The following CSTF1 variants were observed in gnomAD, a reference collection of about 807,000 sequenced individuals.
CSTF1 encodes CF-1 50 kDa subunit.
CSTF1 carries 2 observed loss-of-function variants against 40.9 expected under a neutral mutation model. The ratio of observed to expected loss-of-function variants is 0.05; its 90% CI spans 0.02 to 0.15. CSTF1 has a LOEUF of 0.15. CSTF1 is among the 10% of genes least tolerant of loss of function. The pLI, the probability that CSTF1 is intolerant of heterozygous loss-of-function variation, is 1.00. For missense variants in CSTF1, 279 were observed against 558.9 expected (o/e 0.50, Z 5.05); for synonymous variants, 218 against 207.2 (o/e 1.05, Z -0.45).
At chr20:56,393,824 G>A (rs902671606) in intron 1 of CSTF1, among the ~76,000 whole-genome samples, 4 of 152,140 alleles carry the variant, frequency 2.6e-5, no homozygotes, top group African/African-American at 9.7e-5. Context: ...CGTGACAATT[G>A]AGGTATTTTT....
At chr20:56,396,439 CATAATT>C (rs1457334872) in intron 2 of CSTF1, among the ~76,000 whole-genome samples, 9 of 152,256 alleles carry the variant, frequency 5.9e-5, no homozygotes, top group Admixed American at 6.5e-5. Flanking sequence ...AATACTATAA[CATAATT>C]ATATAGATGA....
intron 2 of CSTF1, among the ~76,000 whole-genome samples, chr20:56,396,468 C>T (rs1420915127): frequency 6.6e-6 from 1 of 152,082 alleles, no homozygotes; most frequent in East Asian, 1.9e-4. Context: ...ATTTATTAGC[C>T]AAGATACACT....
chr20:56,400,014 C>T (rs922428710), intron 5 of CSTF1, among the ~76,000 whole-genome samples: 29 of 152,294 alleles, frequency 1.9e-4, no homozygotes, highest in African/African-American at 7.0e-4. Flanking sequence ...GTCTTCTGTT[C>T]CTTGTAGCAG....
chr20:56,399,844 G>T lies in CSTF1; in HGVS notation c.1036+487G>T, dbSNP rs1978378261. Among the ~76,000 whole-genome samples, 1 of 152,210 alleles carries T rather than the reference G, an allele frequency of 6.6e-6. No homozygotes were observed. Among genetic ancestry groups the T allele is most frequent in the Admixed American group, 6.5e-5 (1 of 15,282 alleles). On this transcript the variant is annotated intron_variant, in intron 5 of 5. Coordinates refer to ENST00000217109, the MANE Select transcript of CSTF1 (RefSeq NM_001324.3). The surrounding 1 kb of genome is among the most constrained non-coding windows in gnomAD (Gnocchi z 4.6). ...ATGCAGATATAAAGTAGGCTCAGCA[G>T]ACAGAAAAAAATTGCATCCACTGAA...
chr20:56,394,328 G>C (rs934109086), intron 1 of CSTF1, among the ~76,000 whole-genome samples: 1 of 152,228 alleles, frequency 6.6e-6, no homozygotes, highest in Non-Finnish European at 1.5e-5. Flanking sequence ...GCTCGCGCCC[G>C]TAATCCCAGC....
intron 5 of CSTF1, among the ~76,000 whole-genome samples, chr20:56,401,536 A>G (rs771728155): frequency 6.6e-6 from 1 of 152,196 alleles, no homozygotes; most frequent in African/African-American, 2.4e-5. Flanking sequence ...TTTTTGACCC[A>G]CTATATCTAC....
intron 2 of CSTF1, among the ~76,000 whole-genome samples, chr20:56,396,684 C>T (rs1402086336): frequency 1.3e-5 from 2 of 152,128 alleles, no homozygotes; most frequent in Non-Finnish European, 2.9e-5. Flanking sequence ...TTTTCCTCTA[C>T]TAATCAACAT....
intron 4 of CSTF1, among the ~76,000 whole-genome samples, chr20:56,398,355 G>GCC (rs371301023): frequency 6.6e-6 from 1 of 152,108 alleles, no homozygotes; most frequent in African/African-American, 2.4e-5. Context: ...GATCACTTGA[G>GCC]CCCAGAAGTT....
Position 56,399,268 on chromosome 20 carries a change from A to G in CSTF1, c.947A>G (p.Lys316Arg). ...GAAGTTTGTTCTGCCATTTTTTCCA[A>G]AAATTCTAAATACATTCTCTCAAGT... Reference protein sequence around the residue: ...GAEVCSAIFSKNSKYILSSGK... With the variant: ...GAEVCSAIFSRNSKYILSSGK... The change falls in exon 5 of 6, where the codon AAA (lysine) becomes AGA (arginine). Residue 316 changes from lysine (K) to arginine (R), a missense_variant. This residue lies in a region of CSTF1 where 162 missense variants were observed against 337.1 expected (regional missense o/e 0.48). Coordinates refer to ENST00000217109, the MANE Select transcript of CSTF1 (RefSeq NM_001324.3). This position sits in a 1 kb window ranked among gnomAD's most constrained non-coding sequence, Gnocchi z 4.6. 1 of 1,614,172 alleles carries G rather than the reference A, an allele frequency of 6.2e-7. No individual in the cohort carries two copies. Among genetic ancestry groups the G allele is most frequent in the Non-Finnish European group, 8.5e-7 (1 of 1,180,030 alleles).
chr20:56,394,113 T>C (rs890010811), intron 1 of CSTF1, among the ~76,000 whole-genome samples: 1 of 152,238 alleles, frequency 6.6e-6, no homozygotes, highest in Non-Finnish European at 1.5e-5. Flanking sequence ...CCCAGGATTT[T>C]CTACTCAAGC....
chr20:56,400,114 C>A (rs1444785747), intron 5 of CSTF1, among the ~76,000 whole-genome samples: 1 of 152,086 alleles, frequency 6.6e-6, no homozygotes, highest in Non-Finnish European at 1.5e-5. Context: ...CTAAAATTGG[C>A]ATGAGCATAA....
rs1987550757 is a variant in CSTF1 at position 56,397,498 on chromosome 20, T to G, written c.447+14T>G. ...ATGCCAATAGAGGTAAAAATTCCAG[T>G]CACATACTTATTGATTGCCTTCTGT... is the stretch of plus-strand genomic sequence containing the variant. On this transcript the variant is annotated intron_variant, in intron 3 of 5. Transcript: ENST00000217109. This position sits in a 1 kb window ranked among gnomAD's most constrained non-coding sequence, Gnocchi z 4.4. 3.1e-6 allele frequency: 5 copies of G among 1,610,340 alleles called. No homozygotes were observed. The highest frequency in any genetic ancestry group is 4.2e-6 in the Non-Finnish European group (5 of 1,178,014).
At position 56,403,583 on chromosome 20, in the gene CSTF1, G is replaced by A; in HGVS notation, c.1152G>A (p.Arg384=). 6.2e-7 allele frequency: 1 copy of A among 1,614,128 alleles called. No homozygotes were observed. The highest frequency in any genetic ancestry group is 8.5e-7 in the Non-Finnish European group (1 of 1,180,044). The change falls in exon 6 of 6, where the codon AGG becomes AGA. Residue 384 remains arginine, a synonymous_variant. Coordinates refer to ENST00000217109, the MANE Select transcript of CSTF1 (RefSeq NM_001324.3). ...RTISLCCWDS[R]TAERRNLLSL... is the part of the protein sequence containing the mutation. The stretch of plus-strand genomic sequence containing the variant: ...TCAGTCTTTGCTGCTGGGACTCGAG[G>A]ACAGCCGAGCGGAGAAACCTGCTGT...
rs1371710671 is a variant in CSTF1, at chr20:56,397,784, T to C, written c.588T>C (p.Thr196=). Residue 196 remains threonine, a synonymous_variant, in exon 4 of 6, where the codon ACT becomes ACC. Coordinates refer to ENST00000217109, the MANE Select transcript of CSTF1 (RefSeq NM_001324.3). The surrounding 1 kb of genome is among the most constrained non-coding windows in gnomAD (Gnocchi z 4.4). ...TGGCTTCTGGTTCAAGGGATTATAC[T>C]CTTAAATTATTTGATTATTCCAAAC... is the stretch of plus-strand genomic sequence containing the variant. The part of the protein sequence containing the change: ...QILASGSRDY[T]LKLFDYSKPS... 1.9e-6 allele frequency: 3 copies of C among 1,614,034 alleles called. No homozygotes were observed. In the African/African-American group the frequency reaches 4.0e-5, roughly 22 times the overall value.
In CSTF1 at chr20:56,404,420, C is replaced by T. The variant is rs1263903746; in HGVS notation, c.*693C>T. 1 of 152,148 alleles carries T rather than the reference C, an allele frequency of 6.6e-6. No homozygotes were observed. The highest frequency in any genetic ancestry group is 6.6e-5 in the Admixed American group (1 of 15,266). The allele number at this position is 152,148 out of a possible 1,614,324, so 9.4% of individuals were successfully genotyped here. On this transcript the variant is annotated 3_prime_UTR_variant, in exon 6 of 6. Coordinates refer to ENST00000217109, the MANE Select transcript of CSTF1 (RefSeq NM_001324.3). ...GGTAAGATTATGATTTCATGAGAAA[C>T]AATTGAAAATATATCCGATCTAATT...
chr20:56,403,806 C>A lies in CSTF1; in HGVS notation c.*79C>A. 2 of 1,430,158 alleles carry A rather than the reference C, an allele frequency of 1.4e-6. No homozygotes were observed. Among genetic ancestry groups the A allele is most frequent in the Admixed American group, 2.0e-5 (1 of 50,938 alleles). The allele number at this position is 1,430,158 out of a possible 1,614,324, so 88.6% of individuals were successfully genotyped here. A position where few individuals can be genotyped will look rare whatever the true frequency, so the allele number is the denominator to read the frequency against. ...CCTGTCTCAGCTGCAGTCGTAAGTC[C>A]GTGCACCATCCTTGACGTTTTGCTG... On this transcript the variant is annotated 3_prime_UTR_variant, in exon 6 of 6. Transcript: ENST00000217109.
intron 1 of CSTF1, among the ~76,000 whole-genome samples, chr20:56,393,392 A>C (rs1046364808): frequency 2.4e-4 from 36 of 152,230 alleles, no homozygotes; most frequent in Admixed American, 2.0e-3. Context: ...AAATTATTCG[A>C]GTCATATTAA....
rs1442990413 is a variant in CSTF1, at chr20:56,399,827, A to G, written c.1036+470A>G. On this transcript the variant is annotated intron_variant, in intron 5 of 5. Coordinates refer to ENST00000217109, the MANE Select transcript of CSTF1 (RefSeq NM_001324.3). This position sits in a 1 kb window ranked among gnomAD's most constrained non-coding sequence, Gnocchi z 4.6. ...AACCACGTTAATTCTGAATGCAGAT[A>G]TAAAGTAGGCTCAGCAGACAGAAAA... Among the ~76,000 whole-genome samples the G allele has an allele frequency of 6.6e-6, 1 of 152,260 alleles. No homozygotes were observed. The highest frequency in any genetic ancestry group is 1.9e-4 in the East Asian group (1 of 5,200).
rs1446187078 is a variant in CSTF1, at chr20:56,405,521, G to A, written c.*1794G>A. 1.3e-5 allele frequency: 2 copies of A among 152,150 alleles called. No homozygotes were observed. The highest frequency in any genetic ancestry group is 4.8e-5 in the African/African-American group (2 of 41,446). 9.4% of individuals were successfully genotyped at this position (152,150 alleles called of 1,614,324 possible). On this transcript the variant is annotated 3_prime_UTR_variant, in exon 6 of 6. Coordinates refer to ENST00000217109, the MANE Select transcript of CSTF1 (RefSeq NM_001324.3). ...ACCACGCGCGGCCCCATCATACGAA[G>A]TTACTGAAGTTATTGCGTAAACATT... is the stretch of plus-strand genomic sequence containing the variant.
Sources: gnomAD v4.1 joint callset for allele counts (sites outside exome capture counted in the v4.1 genomes callset) on GRCh38, gnomAD v4.1.1 for gene constraint, gnomAD v4.1.1 regional missense constraint, Gnocchi (gnomAD v3.1) non-coding constraint, MANE v1.5 for transcripts, NCBI Gene and HGNC (gene_info 2026-07-23, HGNC 2026-07-21) for gene names.